Variants in CNTN5 observed in about 807,000 individuals in gnomAD.
CNTN5 encodes the protein contactin-5.
A neutral mutation model predicts 129.1 loss-of-function variants in CNTN5; 77 were observed. The ratio of observed to expected loss-of-function variants is 0.60; its 90% CI spans 0.50 to 0.72. The LOEUF is 0.72. Ranked by LOEUF, CNTN5 falls within the 30% of genes least tolerant of loss-of-function variation. The pLI is 0.00. For missense variants in CNTN5, 1,478 were observed against 1,328.8 expected (o/e 1.11, Z -1.75); for synonymous variants, 509 against 465.6 (o/e 1.09, Z -1.20).
intron 6 of CNTN5, among the ~76,000 whole-genome samples, chr11:99,893,487 A>T (rs1467604267): frequency 1.3e-5 from 2 of 152,186 alleles, no homozygotes; most frequent in Non-Finnish European, 2.9e-5. Flanking sequence ...TTATTAGACA[A>T]ATGTTTGTTG....
At chr11:99,278,921 C>T (rs767963403) in intron 1 of CNTN5, among the ~76,000 whole-genome samples, 20 of 151,608 alleles carry the variant, frequency 1.3e-4, no homozygotes, top group Non-Finnish European at 2.1e-4. Flanking sequence ...TATAGTGGAC[C>T]GTTCCATTGT....
At chr11:99,086,708 G>C (rs995927921) in intron 1 of CNTN5, among the ~76,000 whole-genome samples, 1 of 152,256 alleles carries the variant, frequency 6.6e-6, no homozygotes, top group East Asian at 1.9e-4. Context: ...GTAGTTATTG[G>C]TATGGAATCA....
At chr11:99,160,915 C>T (rs1048173830) in intron 1 of CNTN5, among the ~76,000 whole-genome samples, 5 of 152,096 alleles carry the variant, frequency 3.3e-5, no homozygotes, top group Admixed American at 1.3e-4. Context: ...GAATAGATCA[C>T]GTAATTTCCT....
chr11:100,081,717 G>A (rs1214127876), intron 13 of CNTN5, among the ~76,000 whole-genome samples: 1 of 152,188 alleles, frequency 6.6e-6, no homozygotes. Flanking sequence ...TCTAGCAAAA[G>A]AAGGACTATA....
intron 8 of CNTN5, among the ~76,000 whole-genome samples, chr11:99,982,728 C>G (rs948756583): frequency 6.6e-6 from 1 of 152,116 alleles, no homozygotes; most frequent in Non-Finnish European, 1.5e-5. Flanking sequence ...GCAAGTTCAT[C>G]CTCCCGGGTT....
At chr11:99,111,914 A>G (rs963297896) in intron 1 of CNTN5, among the ~76,000 whole-genome samples, 5 of 152,056 alleles carry the variant, frequency 3.3e-5, no homozygotes, top group Non-Finnish European at 7.4e-5. Flanking sequence ...TTCAAAAAAG[A>G]TTACCAGCAA....
intron 2 of CNTN5, among the ~76,000 whole-genome samples, chr11:99,400,028 CA>C (rs1941719416): frequency 6.6e-6 from 1 of 151,944 alleles, no homozygotes; most frequent in Non-Finnish European, 1.5e-5. Flanking sequence ...AGTAATTGTA[CA>C]ATGGTACTTT....
chr11:99,778,807 T>C (rs1003787645), intron 3 of CNTN5, among the ~76,000 whole-genome samples: 1 of 151,854 alleles, frequency 6.6e-6, no homozygotes, highest in Admixed American at 6.6e-5. Context: ...CAATAAAATA[T>C]TCACCATTTC....
intron 9 of CNTN5, among the ~76,000 whole-genome samples, chr11:100,060,640 C>CT (rs10700520): frequency 0.016 from 2,205 of 137,392 alleles, 73 homozygotes; most frequent in African/African-American, 0.055. Context: ...AATTTTTTTT[C>CT]TTTTTTTTTT....
chr11:99,296,593 G>A (rs1336262026), intron 1 of CNTN5, among the ~76,000 whole-genome samples: 1 of 152,166 alleles, frequency 6.6e-6, no homozygotes, highest in Non-Finnish European at 1.5e-5. Context: ...GTAGCCAAAT[G>A]TACCTGAAGC....
intron 8 of CNTN5, among the ~76,000 whole-genome samples, chr11:99,971,745 T>C (rs1951261586): frequency 1.3e-5 from 2 of 151,928 alleles, no homozygotes; most frequent in Non-Finnish European, 2.9e-5. Flanking sequence ...GAATAATGTT[T>C]TGTTATGGCT....
At chr11:99,678,683 A>T (rs1591467321) in intron 3 of CNTN5, among the ~76,000 whole-genome samples, 1 of 152,180 alleles carries the variant, frequency 6.6e-6, no homozygotes, top group African/African-American at 2.4e-5. Flanking sequence ...GATAGTGAAA[A>T]GTTTAGAGTA....
chr11:99,057,785 AGTGTGTGTGTGTGTGTGT>A (rs67721084), intron 1 of CNTN5, among the ~76,000 whole-genome samples: 4 of 144,914 alleles, frequency 2.8e-5, no homozygotes, highest in Non-Finnish European at 3.1e-5. Context: ...ATGAAACATA[AGTGTGTGTGTGTGTGTGT>A]GTGTGTGTGT....
intron 1 of CNTN5, among the ~76,000 whole-genome samples, chr11:99,309,744 G>A (rs1361319128): frequency 2.0e-5 from 3 of 152,062 alleles, no homozygotes; most frequent in Admixed American, 2.0e-4. Flanking sequence ...AATTCCCTAC[G>A]ATGGTTGCCC....
chr11:100,047,335 C>G (rs1310166580), intron 9 of CNTN5, among the ~76,000 whole-genome samples: 1 of 152,034 alleles, frequency 6.6e-6, no homozygotes, highest in Admixed American at 6.6e-5. Context: ...AAAATAAAGA[C>G]TATTTTTAAC....
intron 2 of CNTN5, among the ~76,000 whole-genome samples, chr11:99,439,671 G>GCA (rs1943741653): frequency 1.6e-5 from 2 of 124,846 alleles, no homozygotes; most frequent in African/African-American, 6.3e-5. Context: ...TTGCGCCACT[G>GCA]CACCCCAGCC....
chr11:99,451,689 A>G (rs1382746551), intron 2 of CNTN5, among the ~76,000 whole-genome samples: 1 of 152,190 alleles, frequency 6.6e-6, no homozygotes, highest in African/African-American at 2.4e-5. Flanking sequence ...TTGATGTAAG[A>G]TATTTATGAA....
intron 3 of CNTN5, among the ~76,000 whole-genome samples, chr11:99,722,284 T>C (rs1436062590): frequency 2.0e-5 from 3 of 152,182 alleles, no homozygotes; most frequent in Non-Finnish European, 4.4e-5. Context: ...ATATACACTG[T>C]GGAATGCTAT....
chr11:99,960,988 A>G (rs1040980698), intron 8 of CNTN5, among the ~76,000 whole-genome samples: 1 of 151,984 alleles, frequency 6.6e-6, no homozygotes, highest in African/African-American at 2.4e-5. Context: ...GGATCACCTG[A>G]GATCAGGAGT....
Sources: allele counts gnomAD v4.1 joint callset (sites outside exome capture counted in the v4.1 genomes callset), GRCh38; gene constraint gnomAD v4.1.1; transcripts MANE v1.5; gene names NCBI Gene and HGNC (gene_info 2026-07-23, HGNC 2026-07-21).